ADGRB3: variants seen among roughly 807,000 people sequenced by gnomAD.
ADGRB3 encodes adhesion G protein-coupled receptor B3.
In ADGRB3, 37 loss-of-function variants were observed where a neutral mutation model predicts 193.4. The observed-to-expected ratio is 0.19, with a 90% CI of 0.15 to 0.25. The LOEUF (loss-of-function observed/expected upper bound fraction) is 0.25. Among genes scored for constraint, ADGRB3 ranks in the 10% least tolerant of loss-of-function variants. The pLI, the probability that ADGRB3 is intolerant of heterozygous loss-of-function variation, is 1.00. For synonymous variants in ADGRB3, 690 were observed against 644.2 expected, an observed-to-expected ratio of 1.07 and a Z score of -1.08; for missense variants, 1,637 against 1,852.9, an observed-to-expected ratio of 0.88 and a Z score of 2.14.
chr6:68,772,928 T>TAC (rs1562023481), intron 3 of ADGRB3, among the ~76,000 whole-genome samples: 10 of 45,652 alleles, frequency 2.2e-4, no homozygotes, highest in African/African-American at 1.2e-3. Flanking sequence ...TATATATATA[T>TAC]ATATACATAC....
intron 3 of ADGRB3, among the ~76,000 whole-genome samples, chr6:68,719,362 A>G (rs1325079132): frequency 1.3e-5 from 2 of 151,764 alleles, no homozygotes; most frequent in Non-Finnish European, 2.9e-5. Flanking sequence ...TGTTAACTTT[A>G]TTGAATTTTA....
chr6:69,226,286 A>T (rs904033974), intron 17 of ADGRB3, among the ~76,000 whole-genome samples: 1 of 152,230 alleles, frequency 6.6e-6, no homozygotes, highest in South Asian at 2.1e-4. Context: ...ATCATATTTA[A>T]TGATGAATAA....
intron 17 of ADGRB3, among the ~76,000 whole-genome samples, chr6:69,096,630 G>A (rs955228989): frequency 2.0e-5 from 3 of 152,088 alleles, no homozygotes; most frequent in African/African-American, 7.2e-5. Flanking sequence ...CTCATAGTTT[G>A]TGCTTAACTT....
At chr6:69,196,059 C>T (rs1444024006) in intron 17 of ADGRB3, among the ~76,000 whole-genome samples, 2 of 152,076 alleles carry the variant, frequency 1.3e-5, no homozygotes, top group East Asian at 3.9e-4. Context: ...ATGTGAGACT[C>T]CTGGATCCCT....
At chr6:68,916,003 T>G (rs1053398710) in intron 3 of ADGRB3, among the ~76,000 whole-genome samples, 5 of 151,122 alleles carry the variant, frequency 3.3e-5, no homozygotes, top group Admixed American at 2.0e-4. Flanking sequence ...AAAAATAAAT[T>G]AAAGAAGGAA....
chr6:68,995,141 T>C, intron 11 of ADGRB3, among the ~76,000 whole-genome samples: 1 of 152,346 alleles, frequency 6.6e-6, no homozygotes, highest in East Asian at 1.9e-4. Context: ...AAGATTATTA[T>C]CTTTTGAACA....
intron 17 of ADGRB3, among the ~76,000 whole-genome samples, chr6:69,131,690 A>G (rs1463468716): frequency 6.6e-6 from 1 of 152,000 alleles, no homozygotes; most frequent in African/African-American, 2.4e-5. Context: ...GGTTTGTTAC[A>G]TAGGTATATG....
chr6:68,923,189 G>A (rs76375893), intron 3 of ADGRB3, among the ~76,000 whole-genome samples: 14,024 of 151,930 alleles, frequency 0.092, 858 homozygotes, highest in Non-Finnish European at 0.13. Flanking sequence ...AAAATATAGT[G>A]GTAGATAAAT....
chr6:68,869,233 C>T (rs1310995174), intron 3 of ADGRB3, among the ~76,000 whole-genome samples: 1 of 152,040 alleles, frequency 6.6e-6, no homozygotes, highest in African/African-American at 2.4e-5. Context: ...CAAAGACTCC[C>T]AAGTTTTTAA....
At chr6:69,339,919 C>T (rs530495423) in intron 26 of ADGRB3, among the ~76,000 whole-genome samples, 1 of 152,164 alleles carries the variant, frequency 6.6e-6, no homozygotes, top group African/African-American at 2.4e-5. Context: ...TTTCTTCACA[C>T]AGCACACCCT....
intron 3 of ADGRB3, among the ~76,000 whole-genome samples, chr6:68,805,481 T>C (rs1382660442): frequency 6.6e-6 from 1 of 152,214 alleles, no homozygotes; most frequent in Admixed American, 6.5e-5. Context: ...AGTGAGCCCA[T>C]TATGAGTCGA....
intron 17 of ADGRB3, among the ~76,000 whole-genome samples, chr6:69,158,201 T>G (rs57044772): frequency 0.14 from 21,442 of 151,314 alleles, 1,561 homozygotes; most frequent in Middle Eastern, 0.16. Context: ...TAGTTAGACA[T>G]TTTTTTTATT....
chr6:68,906,952 A>G (rs188753021), intron 3 of ADGRB3, among the ~76,000 whole-genome samples: 142 of 151,980 alleles, frequency 9.3e-4, no homozygotes, highest in African/African-American at 3.4e-3. Context: ...TGCCTTCACT[A>G]TTTTCCTTTT....
At chr6:69,190,864 C>T (rs559024408) in intron 17 of ADGRB3, among the ~76,000 whole-genome samples, 1 of 152,200 alleles carries the variant, frequency 6.6e-6, no homozygotes, top group East Asian at 1.9e-4. Flanking sequence ...TTGCCTACAT[C>T]AGTCAGTACA....
chr6:69,297,474 T>A (rs772417017), intron 20 of ADGRB3, among the ~76,000 whole-genome samples: 1 of 151,584 alleles, frequency 6.6e-6, no homozygotes, highest in African/African-American at 2.4e-5. Flanking sequence ...GTATCACATT[T>A]CTATCATTGA....
chr6:68,749,191 G>C (rs561809027), intron 3 of ADGRB3, among the ~76,000 whole-genome samples: 1 of 152,282 alleles, frequency 6.6e-6, no homozygotes, highest in African/African-American at 2.4e-5. Flanking sequence ...ATTAACATTA[G>C]GCTCTTTGCT....
At chr6:68,920,768 C>CA (rs1367796313) in intron 3 of ADGRB3, among the ~76,000 whole-genome samples, 2 of 151,002 alleles carry the variant, frequency 1.3e-5, no homozygotes, top group Non-Finnish European at 2.9e-5. Flanking sequence ...TAAATGAATC[C>CA]AAAAAAGAAG....
At chr6:69,210,246 G>A (rs911888807) in intron 17 of ADGRB3, among the ~76,000 whole-genome samples, 27 of 147,928 alleles carry the variant, frequency 1.8e-4, no homozygotes, top group African/African-American at 6.8e-4. Flanking sequence ...GGAGCAAGGA[G>A]AGCCAGTTTG....
At chr6:68,883,599 C>T (rs910290787) in intron 3 of ADGRB3, among the ~76,000 whole-genome samples, 1 of 151,964 alleles carries the variant, frequency 6.6e-6, no homozygotes, top group African/African-American at 2.4e-5. Flanking sequence ...CAACTCTGGA[C>T]TGGAGGAATG....
Sources: gnomAD v4.1 joint callset for allele counts (sites outside exome capture counted in the v4.1 genomes callset) on GRCh38, gnomAD v4.1.1 for gene constraint, MANE v1.5 for transcripts, NCBI Gene and HGNC (gene_info 2026-07-23, HGNC 2026-07-21) for gene names.